The following TRPM3 variants were observed in gnomAD, a reference collection of about 807,000 sequenced individuals.
The protein encoded by TRPM3 is transient receptor potential cation channel subfamily M member 3, also known as long transient receptor potential channel 3.
TRPM3 carries 77 observed loss-of-function variants against 181.2 expected under a neutral mutation model. The observed-to-expected ratio is 0.42, with a 90% CI of 0.35 to 0.51. The LOEUF is 0.51. TRPM3 is among the 20% of genes least tolerant of loss of function. TRPM3 has a pLI of 0.01. For synonymous variants in TRPM3, 745 were observed against 796.4 expected, an observed-to-expected ratio of 0.94 and a Z score of 1.09; for missense variants, 1,759 against 2,196.7, an observed-to-expected ratio of 0.80 and a Z score of 3.98.
Position 71,420,647 on chromosome 9 carries a change from A to G in TRPM3, c.183+26006T>C, listed in dbSNP as rs866258521. 3.3e-3 allele frequency among the ~76,000 whole-genome samples: 331 copies of G among 100,492 alleles called. 3 individuals are homozygous for G. The Middle Eastern group carries it at 0.039, about 12-fold the overall frequency. The allele number at this position is 100,492 out of a possible 152,430, so 65.9% of individuals were successfully genotyped here. The stretch of plus-strand genomic sequence containing the variant: ...AAAAAGAAAAAGAAAAAGAGAGAGA[A>G]AGAGAAAGAAAAAGAGAAAGAAAGA... On this transcript the variant is annotated intron_variant, in intron 1 of 24. Coordinates refer to the TRPM3 transcript ENST00000357533.
intron 8 of TRPM3, among the ~76,000 whole-genome samples, chr9:70,740,652 T>C (rs2073873002): frequency 6.6e-6 from 1 of 152,070 alleles, no homozygotes; most frequent in African/African-American, 2.4e-5. Context: ...TGGAACATGA[T>C]AGAGAACCCA....
At chr9:70,928,282 T>G (rs1028878441) in intron 1 of TRPM3, among the ~76,000 whole-genome samples, 3 of 152,216 alleles carry the variant, frequency 2.0e-5, no homozygotes, top group Non-Finnish European at 4.4e-5. Flanking sequence ...AGGGATGCAT[T>G]CTATTACAGG....
Position 70,688,887 on chromosome 9 carries a change from A to G in TRPM3, c.1273-7309T>C, listed in dbSNP as rs146848143. ...TTCCAGGATGCCACTTCCAATCTCT[A>G]TTTGCACACATCTCTCTGCACTGAA... On this transcript the variant is annotated intron_variant, in intron 8 of 25. Transcript: ENST00000677713. Among the ~76,000 whole-genome samples, 1,221 of 152,118 alleles carry G rather than the reference A, an allele frequency of 8.0e-3. 17 individuals carry two copies. Among genetic ancestry groups the G allele is most frequent in the African/African-American group, 0.027 (1,138 of 41,482 alleles).
rs2041569105 is a variant in TRPM3 at position 70,535,782 on chromosome 9, T to G, written c.*171A>C. ...CTGGCACTGGGTCAGATCAAATGCT[T>G]TCTTGATCTGTGGCCCAGAAGTCAC... On this transcript the variant is annotated 3_prime_UTR_variant, in exon 26 of 26. Transcript: ENST00000677713. 2 of 1,484,520 alleles carry G rather than the reference T, an allele frequency of 1.3e-6. No homozygotes were observed. The highest frequency in any genetic ancestry group is 1.8e-6 in the Non-Finnish European group (2 of 1,126,200). The allele number at this position is 1,484,520 out of a possible 1,614,324, so 92.0% of individuals were successfully genotyped here. A position where few individuals can be genotyped will look rare whatever the true frequency, so the allele number is the denominator to read the frequency against.
At position 71,198,272 on chromosome 9, in the gene TRPM3, T is replaced by C. The variant is rs978033914; in HGVS notation, c.183+248381A>G. On this transcript the variant is annotated intron_variant, in intron 1 of 24. Transcript: ENST00000357533. ...CAGTACCATGCTGTTTTGGTTACTGTAGCCTTGTAGTATAGTTTGAAGTCA... is the reference window on the plus strand; with the variant it reads ...CAGTACCATGCTGTTTTGGTTACTGCAGCCTTGTAGTATAGTTTGAAGTCA... Among the ~76,000 whole-genome samples the C allele has an allele frequency of 2.1e-3, 322 of 152,220 alleles. 1 individual carries two copies. The highest frequency in any genetic ancestry group is 7.4e-3 in the African/African-American group (306 of 41,542).
chr9:71,046,142 C>A (rs192587516), intron 1 of TRPM3, among the ~76,000 whole-genome samples: 2 of 152,034 alleles, frequency 1.3e-5, no homozygotes, highest in Non-Finnish European at 2.9e-5. Flanking sequence ...AAGCGCCCCA[C>A]GCCCGGCTAA....
At chr9:70,841,063 G>A (rs2094596507) in intron 5 of TRPM3, among the ~76,000 whole-genome samples, 1 of 152,072 alleles carries the variant, frequency 6.6e-6, no homozygotes. Flanking sequence ...AATGATTTTG[G>A]TGCAGAAATG....
chr9:70,930,922 TAATC>T (rs956842075), intron 1 of TRPM3, among the ~76,000 whole-genome samples: 27 of 152,014 alleles, frequency 1.8e-4, no homozygotes, highest in African/African-American at 5.6e-4. Flanking sequence ...TCAAATGTAA[TAATC>T]AAGGCTGGAA....
chr9:71,041,879 T>C (rs1447408370), intron 1 of TRPM3, among the ~76,000 whole-genome samples: 1 of 152,162 alleles, frequency 6.6e-6, no homozygotes, highest in Non-Finnish European at 1.5e-5. Flanking sequence ...TGCCCTCAAA[T>C]GATACTCAAT....
At chr9:70,553,101 G>C in intron 23 of TRPM3, 58 bp from the exon 24 acceptor site, 1 of 1,613,228 alleles carries the variant, frequency 6.2e-7, no homozygotes, top group Non-Finnish European at 8.5e-7. Flanking sequence ...CTGAAGCATC[G>C]ACTCCCCTTC....
chr9:70,673,950 A>AAT, intron 9 of TRPM3, among the ~76,000 whole-genome samples: 1 of 5,536 alleles, frequency 1.8e-4, no homozygotes, highest in South Asian at 8.6e-3. Flanking sequence ...ACTCCATCTC[A>AAT]AAAAAAAAAA....
Position 70,536,360 on chromosome 9 carries a change from C to T in TRPM3, c.4753G>A (p.Gly1585Arg), listed in dbSNP as rs765939599. ...ADRAAFPGGL[G>R]DKVEDLTCCH... ...CAAGTTAAGTCCTCCACTTTGTCTC[C>T]AAGACCTCCAGGGAAGGCAGCTCTG... The change falls in exon 26 of 26, where the codon GGA (glycine) becomes AGA (arginine). Residue 1585 changes from glycine to arginine, a missense_variant. This residue lies in a region of TRPM3 where 612 missense variants were observed against 590.0 expected (regional missense o/e 1.04). Coordinates refer to ENST00000677713, the MANE Select transcript of TRPM3 (RefSeq NM_001366145.2). The T allele has an allele frequency of 5.0e-6, 8 of 1,614,084 alleles. No homozygotes were observed. Among genetic ancestry groups the T allele is most frequent in the Non-Finnish European group, 5.1e-6 (6 of 1,179,998 alleles).
intron 24 of TRPM3, 72 bp from the exon 25 acceptor site, chr9:70,549,746 G>C (rs2046010161): frequency 2.0e-6 from 3 of 1,481,350 alleles, no homozygotes; most frequent in South Asian, 1.3e-5. Flanking sequence ...TGTGGGCCTA[G>C]TGACATTCTC....
intron 6 of TRPM3, among the ~76,000 whole-genome samples, chr9:70,821,157 C>T (rs952825854): frequency 9.9e-5 from 15 of 152,082 alleles, no homozygotes; most frequent in African/African-American, 3.4e-4. Flanking sequence ...CTAATATTTG[C>T]CATGATGCTG....
At chr9:70,891,196 G>C (rs905918022) in intron 1 of TRPM3, among the ~76,000 whole-genome samples, 25 of 152,126 alleles carry the variant, frequency 1.6e-4, no homozygotes, top group East Asian at 1.9e-4. Context: ...TTCAGAAAAG[G>C]AGATTGAATA....
chr9:71,323,563 A>G (rs1283210778), intron 1 of TRPM3, among the ~76,000 whole-genome samples: 1 of 152,084 alleles, frequency 6.6e-6, no homozygotes, highest in Non-Finnish European at 1.5e-5. Context: ...TCAGAAATGG[A>G]TATTTCACCC....
At chr9:70,870,984 G>A (rs2095778728) in intron 1 of TRPM3, among the ~76,000 whole-genome samples, 1 of 151,846 alleles carries the variant, frequency 6.6e-6, no homozygotes, top group Non-Finnish European at 1.5e-5. Context: ...TATGATAATA[G>A]GAGGTTATTA....
intron 1 of TRPM3, among the ~76,000 whole-genome samples, chr9:71,171,405 C>T (rs1005534604): frequency 3.3e-5 from 5 of 152,202 alleles, no homozygotes; most frequent in East Asian, 3.9e-4. Context: ...TGGGGCATCA[C>T]GGAACCTACC....
At chr9:70,690,197 G>C (rs954928311) in intron 8 of TRPM3, among the ~76,000 whole-genome samples, 2 of 152,142 alleles carry the variant, frequency 1.3e-5, no homozygotes, top group Non-Finnish European at 2.9e-5. Flanking sequence ...TTCATGCTGT[G>C]TTAGATATGT....
Sources: gnomAD v4.1 joint callset for allele counts (sites outside exome capture counted in the v4.1 genomes callset) on GRCh38, gnomAD v4.1.1 for gene constraint, gnomAD v4.1.1 regional missense constraint, MANE v1.5 for transcripts, NCBI Gene and HGNC (gene_info 2026-07-23, HGNC 2026-07-21) for gene names.